The following SGPP2 variants were observed in gnomAD, a reference collection of about 807,000 sequenced individuals.
SGPP2 encodes sphingosine-1-phosphate phosphatase 2, also known as sphingosine 1-phosphate phosphohydrolase 2.
Under a neutral mutation model 33.9 loss-of-function variants are expected in SGPP2, and 30 were observed. The observed-to-expected ratio is 0.89, with a 90% confidence interval of 0.66 to 1.20. The LOEUF is 1.20. Among genes scored for constraint, SGPP2 ranks in the 50% most tolerant of loss-of-function variants. SGPP2 has a pLI of 0.00. For synonymous variants in SGPP2, 233 were observed against 225.0 expected, an observed-to-expected ratio of 1.04 and a Z score of -0.32; for missense variants, 458 against 532.1, an observed-to-expected ratio of 0.86 and a Z score of 1.37.
chr2:222,541,019 A>G (rs1336804622), intron 4 of SGPP2, among the ~76,000 whole-genome samples: 1 of 151,960 alleles, frequency 6.6e-6, no homozygotes, highest in African/African-American at 2.4e-5. Context: ...ATGTTTCACT[A>G]TGTTGGCCAG....
At chr2:222,426,953 C>CCACT (rs1697080468) in intron 1 of SGPP2, among the ~76,000 whole-genome samples, 1 of 152,210 alleles carries the variant, frequency 6.6e-6, no homozygotes. Flanking sequence ...AATATCCTCC[C>CCACT]CACTCATCCT....
At chr2:222,452,731 G>A in intron 1 of SGPP2, 2 of 1,405,680 alleles carry the variant, frequency 1.4e-6, no homozygotes, top group Non-Finnish European at 2.0e-6. Flanking sequence ...CACATTGGAA[G>A]GTTTCCAGTC....
intron 2 of SGPP2, among the ~76,000 whole-genome samples, chr2:222,488,079 A>G (rs1404918003): frequency 1.3e-5 from 2 of 152,062 alleles, no homozygotes. Flanking sequence ...TGCCTAAATT[A>G]TTGCTATCAG....
In SGPP2 at chr2:222,558,620, CCT is replaced by C. The variant is rs1559179857; in HGVS notation, c.923_924del (p.Pro308ArgfsTer62). On this transcript the variant is annotated frameshift_variant, in exon 5 of 5. Coordinates refer to ENST00000321276, the MANE Select transcript of SGPP2 (RefSeq NM_152386.4). LOFTEE classifies it high-confidence loss of function. ...TGTATCCAAGCCCGCTGAATCTCTC[CCT>C]GTTATTCAGAACATCCCACCACTCA... ...QLVSKPAESL[P>X]VIQNIPPLTT... The C allele has an allele frequency of 5.6e-6, 9 of 1,614,176 alleles. No homozygotes were observed. The highest frequency in any genetic ancestry group is 1.7e-5 in the Admixed American group (1 of 60,034).
chr2:222,442,955 C>A (rs1484654364), intron 1 of SGPP2, among the ~76,000 whole-genome samples: 1 of 152,142 alleles, frequency 6.6e-6, no homozygotes, highest in Non-Finnish European at 1.5e-5. Flanking sequence ...TCAGAACGAT[C>A]AAATATTGAA....
At chr2:222,497,536 C>T (rs1041154074) in intron 2 of SGPP2, among the ~76,000 whole-genome samples, 1 of 152,138 alleles carries the variant, frequency 6.6e-6, no homozygotes, top group Admixed American at 6.5e-5. Flanking sequence ...CACGAGCCAC[C>T]GCACCTAGCA....
At chr2:222,495,508 C>G (rs905405507) in intron 2 of SGPP2, among the ~76,000 whole-genome samples, 1 of 152,174 alleles carries the variant, frequency 6.6e-6, no homozygotes, top group Admixed American at 6.5e-5. Flanking sequence ...AGAATATCCT[C>G]AAGATCTCTT....
At position 222,549,740 on chromosome 2, in the gene SGPP2, C is replaced by CT. The variant is rs888796985; in HGVS notation, c.649-8598dup. Among the ~76,000 whole-genome samples the CT allele has an allele frequency of 2.4e-4, 37 of 151,070 alleles. 1 individual carries two copies. Among genetic ancestry groups the CT allele is most frequent in the African/African-American group, 6.3e-4 (26 of 41,206 alleles). ...AAATGTTAGTTTTGTGTAATGATTC[C>CT]TTTTTTTTTCCAAATAATTTAAAAG... On this transcript the variant is annotated intron_variant, in intron 4 of 4. Transcript: ENST00000321276.
chr2:222,492,633 C>G (rs1698216221), intron 2 of SGPP2, among the ~76,000 whole-genome samples: 1 of 152,244 alleles, frequency 6.6e-6, no homozygotes, highest in African/African-American at 2.4e-5. Context: ...GACGTTTTCC[C>G]TGTTGTCTTA....
intron 2 of SGPP2, among the ~76,000 whole-genome samples, chr2:222,497,234 G>GTCAGA (rs1698294305): frequency 6.8e-6 from 1 of 147,130 alleles, no homozygotes; most frequent in Non-Finnish European, 1.5e-5. Flanking sequence ...TGAAAAGAGT[G>GTCAGA]TCAGATCTCT....
chr2:222,479,217 C>T (rs998846825), intron 2 of SGPP2, among the ~76,000 whole-genome samples: 2 of 152,162 alleles, frequency 1.3e-5, no homozygotes, highest in South Asian at 2.1e-4. Flanking sequence ...CTTAGAAGAA[C>T]GCAGCTAAGT....
intron 2 of SGPP2, among the ~76,000 whole-genome samples, chr2:222,492,950 T>A (rs1050281530): frequency 6.6e-6 from 1 of 152,206 alleles, no homozygotes; most frequent in African/African-American, 2.4e-5. Flanking sequence ...CAGCCTGAAC[T>A]TCATTGTCCA....
intron 1 of SGPP2, among the ~76,000 whole-genome samples, chr2:222,453,850 G>A (rs762216641): frequency 1.8e-4 from 27 of 152,096 alleles, no homozygotes; most frequent in African/African-American, 6.0e-4. Flanking sequence ...CCCCTAACCC[G>A]TGCATTGTTC....
At chr2:222,459,888 G>A (rs550919703) in intron 1 of SGPP2, among the ~76,000 whole-genome samples, 90 of 152,228 alleles carry the variant, frequency 5.9e-4, no homozygotes, top group African/African-American at 9.6e-4. Flanking sequence ...TCTGACCATC[G>A]CTGATGCACC....
chr2:222,526,635 T>G (rs1478505029), intron 4 of SGPP2, among the ~76,000 whole-genome samples: 1 of 152,210 alleles, frequency 6.6e-6, no homozygotes, highest in African/African-American at 2.4e-5. Context: ...TTGGTAATGA[T>G]AGACTGGATA....
intron 1 of SGPP2, among the ~76,000 whole-genome samples, chr2:222,435,029 T>TATATATATGTGTATATATACACAC (rs1491524876): frequency 4.0e-5 from 1 of 24,744 alleles, no homozygotes; most frequent in Non-Finnish European, 9.3e-5. Context: ...TATATGTGTG[T>TATATATATGTGTATATATACACAC]ATATATATGT....
chr2:222,427,249 T>C (rs1697084555), intron 1 of SGPP2, among the ~76,000 whole-genome samples: 1 of 152,206 alleles, frequency 6.6e-6, no homozygotes, highest in African/African-American at 2.4e-5. Flanking sequence ...GATTGCAATA[T>C]AAAATTATAG....
chr2:222,444,417 T>G (rs1347538361), intron 1 of SGPP2, among the ~76,000 whole-genome samples: 1 of 152,204 alleles, frequency 6.6e-6, no homozygotes, highest in Non-Finnish European at 1.5e-5. Flanking sequence ...CTTACTGAGT[T>G]GTGGAAATTT....
At chr2:222,461,472 C>G (rs1007885311) in intron 1 of SGPP2, among the ~76,000 whole-genome samples, 1 of 151,962 alleles carries the variant, frequency 6.6e-6, no homozygotes, top group Non-Finnish European at 1.5e-5. Context: ...GATTCAAGCA[C>G]GTTGCCTTTA....
Sources: gnomAD v4.1 joint callset for allele counts (sites outside exome capture counted in the v4.1 genomes callset) on GRCh38, gnomAD v4.1.1 for gene constraint, MANE v1.5 for transcripts, NCBI Gene and HGNC (gene_info 2026-07-23, HGNC 2026-07-21) for gene names.